Variants in SCNN1B observed in about 807,000 individuals in gnomAD.
SCNN1B encodes the protein sodium channel epithelial 1 subunit beta, also known as epithelial sodium channel subunit beta.
Under a neutral mutation model 65.3 loss-of-function variants are expected in SCNN1B, and 46 were observed. The observed-to-expected ratio is 0.70, with a 90% CI of 0.56 to 0.90. SCNN1B has a LOEUF of 0.90. Among genes scored for constraint, SCNN1B ranks in the 40% least tolerant of loss-of-function variants. The probability of loss-of-function intolerance (pLI) is 0.00; values close to 1 mark genes in which losing one functional copy is unlikely to be tolerated. For synonymous variants in SCNN1B, 349 were observed against 330.6 expected (o/e 1.06, Z -0.60); for missense variants, 751 against 830.5 (o/e 0.90, Z 1.18).
intron 1 of SCNN1B, among the ~76,000 whole-genome samples, chr16:23,334,752 C>CATGCACAA (rs1317089098): frequency 1.3e-5 from 2 of 152,194 alleles, no homozygotes; most frequent in African/African-American, 4.8e-5. Context: ...CACGTGTGTG[C>CATGCACAA]ATGCACCAAT....
At chr16:23,316,587 TCTTCAC>T (rs1471162812) in intron 1 of SCNN1B, among the ~76,000 whole-genome samples, 1 of 124,550 alleles carries the variant, frequency 8.0e-6, no homozygotes, top group Non-Finnish European at 1.5e-5. Context: ...ACCATCACCA[TCTTCAC>T]CACCATCACC....
intron 4 of SCNN1B, among the ~76,000 whole-genome samples, chr16:23,364,642 G>A (rs769606265): frequency 2.6e-5 from 4 of 152,182 alleles, no homozygotes; most frequent in Non-Finnish European, 5.9e-5. Context: ...ATGAGATGCT[G>A]GTGACTTGGG....
upstream of SCNN1B, among the ~76,000 whole-genome samples, chr16:23,298,923 A>G (rs940394511): frequency 6.6e-6 from 1 of 152,188 alleles, no homozygotes; most frequent in East Asian, 1.9e-4. Context: ...AGCTGGTCAC[A>G]ACAGCACAGT....
Position 23,380,075 on chromosome 16 carries a change from T to C in SCNN1B, c.1467-19T>C. On this transcript the variant is annotated intron_variant, in intron 11 of 12. Coordinates refer to ENST00000343070, the MANE Select transcript of SCNN1B (RefSeq NM_000336.3). This position sits in a 1 kb window ranked among gnomAD's most constrained non-coding sequence, Gnocchi z 5.4. Reference sequence around the variant, plus strand: ...AAGGGGGATACATTAGTCCCGGCCCTTCTCGCTGCCTCCTGCAGGAAGGGA... The same window carrying C: ...AAGGGGGATACATTAGTCCCGGCCCCTCTCGCTGCCTCCTGCAGGAAGGGA... 6.2e-7 allele frequency: 1 copy of C among 1,608,258 alleles called. No individual in the cohort carries two copies. Among genetic ancestry groups the C allele is most frequent in the Non-Finnish European group, 8.5e-7 (1 of 1,174,698 alleles).
intron 10 of SCNN1B, 75 bp from the exon 11 acceptor site, chr16:23,378,631 C>A (rs1258310796): frequency 1.4e-6 from 2 of 1,383,560 alleles, no homozygotes; most frequent in Admixed American, 3.4e-5. Context: ...TGGTCTACCT[C>A]CCCCAGGGAA....
intron 4 of SCNN1B, among the ~76,000 whole-genome samples, chr16:23,360,558 G>T (rs555851092): frequency 1.1e-4 from 17 of 148,020 alleles, no homozygotes; most frequent in Middle Eastern, 3.5e-3. Context: ...GTAAAATATA[G>T]AGAGAGAGAC....
chr16:23,331,632 T>C (rs1961814115), intron 1 of SCNN1B, among the ~76,000 whole-genome samples: 1 of 152,162 alleles, frequency 6.6e-6, no homozygotes. Context: ...CTGGTCACTT[T>C]TATAAGTACA....
At chr16:23,308,350 C>T (rs980965503) in intron 1 of SCNN1B, among the ~76,000 whole-genome samples, 7 of 152,118 alleles carry the variant, frequency 4.6e-5, no homozygotes, top group South Asian at 2.1e-4. Flanking sequence ...TAGCAAGACT[C>T]CATCTCTGTA....
intron 1 of SCNN1B, among the ~76,000 whole-genome samples, chr16:23,342,998 A>G (rs1186076840): frequency 6.6e-6 from 1 of 152,244 alleles, no homozygotes; most frequent in African/African-American, 2.4e-5. Flanking sequence ...TAAATGGAAC[A>G]CACAACAAAA....
Position 23,348,938 on chromosome 16 carries a change from C to T in SCNN1B, c.311+28C>T, listed in dbSNP as rs751461439. On this transcript the variant is annotated intron_variant, in intron 2 of 12. Transcript: ENST00000343070. The surrounding 1 kb of genome is among the most constrained non-coding windows in gnomAD (Gnocchi z 4.5). ...AGGTGGCCCCGGAGTGCACAGCTGG[C>T]CTCAGCAGACAGGCGGTTCTCTTTC... The T allele has an allele frequency of 1.3e-6, 2 of 1,589,044 alleles. No individual in the cohort carries two copies. Among genetic ancestry groups the T allele is most frequent in the Admixed American group, 3.3e-5 (2 of 60,000 alleles).
At chr16:23,339,184 T>C (rs1271685859) in intron 1 of SCNN1B, among the ~76,000 whole-genome samples, 2 of 152,208 alleles carry the variant, frequency 1.3e-5, no homozygotes, top group Middle Eastern at 3.2e-3. Context: ...TATACGTCCA[T>C]GTTTTATGTA....
At chr16:23,303,998 C>T in intron 1 of SCNN1B, 1 of 1,272,168 alleles carries the variant, frequency 7.9e-7, no homozygotes, top group Non-Finnish European at 1.1e-6. Context: ...CACCAGTTAT[C>T]CATGCTGCTG....
intron 1 of SCNN1B, among the ~76,000 whole-genome samples, chr16:23,310,155 T>C (rs1596822315): frequency 6.6e-6 from 1 of 152,184 alleles, no homozygotes. Flanking sequence ...GGCGAGAGGA[T>C]TGCTTGAGGC....
chr16:23,280,403 T>G (rs903116670), intron 1 of SCNN1B, among the ~76,000 whole-genome samples: 1 of 152,110 alleles, frequency 6.6e-6, no homozygotes, highest in Admixed American at 6.6e-5. Context: ...TTTGTATTTT[T>G]GGTAGAGATG....
intron 4 of SCNN1B, among the ~76,000 whole-genome samples, chr16:23,364,437 G>A (rs557396986): frequency 2.0e-5 from 3 of 152,310 alleles, no homozygotes; most frequent in African/African-American, 7.2e-5. Flanking sequence ...TGTCGCTGGA[G>A]TGTAGGGAAT....
intron 5 of SCNN1B, among the ~76,000 whole-genome samples, chr16:23,370,415 A>C (rs1962758656): frequency 6.6e-6 from 1 of 152,136 alleles, no homozygotes; most frequent in Non-Finnish European, 1.5e-5. Context: ...CAAGGAGCTC[A>C]TGTTTAATGA....
intron 1 of SCNN1B, among the ~76,000 whole-genome samples, chr16:23,302,691 G>T (rs187738573): frequency 4.6e-5 from 7 of 152,308 alleles, no homozygotes; most frequent in African/African-American, 1.7e-4. Context: ...CAGGGTCCCC[G>T]GCGTGTCTGG....
chr16:23,280,788 A>T (rs1311389794), intron 1 of SCNN1B, among the ~76,000 whole-genome samples: 1 of 152,244 alleles, frequency 6.6e-6, no homozygotes, highest in East Asian at 1.9e-4. Flanking sequence ...CTAGCACAGG[A>T]TCGGCACATA....
In SCNN1B at chr16:23,302,345, A is replaced by G; in HGVS notation, c.-101A>G. On this transcript the variant is annotated 5_prime_UTR_variant, in exon 1 of 13. Coordinates refer to ENST00000343070, the MANE Select transcript of SCNN1B (RefSeq NM_000336.3). ...CGCCGGGTGTCCCAGTGTCACCAACACTCGGCCGCCGCCGCCAGCTTGGCG... is the reference window on the plus strand; with the variant it reads ...CGCCGGGTGTCCCAGTGTCACCAACGCTCGGCCGCCGCCGCCAGCTTGGCG... 1 of 158,024 alleles carries G rather than the reference A, an allele frequency of 6.3e-6. No homozygotes were observed. The highest frequency in any genetic ancestry group is 1.4e-5 in the Non-Finnish European group (1 of 72,022). 9.8% of individuals were successfully genotyped at this position (158,024 alleles called of 1,614,324 possible).
Sources: gnomAD v4.1 joint callset for allele counts (sites outside exome capture counted in the v4.1 genomes callset) on GRCh38, gnomAD v4.1.1 for gene constraint, Gnocchi (gnomAD v3.1) non-coding constraint, MANE v1.5 for transcripts, NCBI Gene and HGNC (gene_info 2026-07-23, HGNC 2026-07-21) for gene names.